CYFIP1: variants seen among roughly 807,000 people sequenced by gnomAD.
The protein encoded by CYFIP1 is cytoplasmic FMR1 interacting protein 1, also known as cytoplasmic FMR1-interacting protein 1.
In CYFIP1, 58 loss-of-function variants were observed where a neutral mutation model predicts 163.5. The ratio of observed to expected loss-of-function variants is 0.35; its 90% CI spans 0.29 to 0.44. The LOEUF (loss-of-function observed/expected upper bound fraction) is 0.44, where lower values mean the gene tolerates loss of function less well. Among genes scored for constraint, CYFIP1 ranks in the 20% least tolerant of loss-of-function variants. The pLI is 1.00. For synonymous variants in CYFIP1, 663 were observed against 660.7 expected, an observed-to-expected ratio of 1.00 and a Z score of -0.05; for missense variants, 1,338 against 1,653.8, an observed-to-expected ratio of 0.81 and a Z score of 3.31.
At chr15:22,903,371 G>A (rs896554872) in intron 22 of CYFIP1, among the ~76,000 whole-genome samples, 5 of 152,110 alleles carry the variant, frequency 3.3e-5, no homozygotes, top group African/African-American at 4.8e-5. Context: ...GTCCATGGGC[G>A]GTGGGTGGGA....
chr15:22,977,344 G>A (rs1407573496), intron 1 of CYFIP1, among the ~76,000 whole-genome samples: 2 of 152,150 alleles, frequency 1.3e-5, no homozygotes, highest in Non-Finnish European at 2.9e-5. Flanking sequence ...AGCAAATAGG[G>A]ACAATTTTCC....
chr15:22,904,084 A>G lies in CYFIP1; in HGVS notation c.2389-179T>C. ...TTGCTTCTTGGCACCCCACCTTTTC[A>G]GTCACCCCCACTGGGTCATGCCTTT... On this transcript the variant is annotated intron_variant, in intron 21 of 30. Transcript: ENST00000617928. 3 of 628,636 alleles carry G rather than the reference A, an allele frequency of 4.8e-6. 1 individual carries two copies. In the South Asian group the frequency reaches 5.7e-5, roughly 12 times the overall value. The allele number at this position is 628,636 out of a possible 1,614,324, so 38.9% of individuals were successfully genotyped here. A position where few individuals can be genotyped will look rare whatever the true frequency, so the allele number is the denominator to read the frequency against.
At chr15:22,872,800 T>C in intron 30 of CYFIP1, 25 bp downstream of exon 30, 1 of 1,611,592 alleles carries the variant, frequency 6.2e-7, no homozygotes, top group East Asian at 2.2e-5. Flanking sequence ...GGTCCATAGA[T>C]GGTGCGAGAT....
intron 18 of CYFIP1, among the ~76,000 whole-genome samples, chr15:22,911,601 G>C (rs2060790755): frequency 6.6e-6 from 1 of 152,168 alleles, no homozygotes; most frequent in East Asian, 1.9e-4. Flanking sequence ...TGGCAAGTGG[G>C]ACCCAGGACC....
At chr15:22,979,720 G>C (rs965779449) in intron 1 of CYFIP1, among the ~76,000 whole-genome samples, 1 of 152,120 alleles carries the variant, frequency 6.6e-6, no homozygotes, top group Admixed American at 6.5e-5. Context: ...CCTCCGTAAC[G>C]ATCGCGCCTC....
At chr15:22,894,514 T>C (rs2141962921) in intron 22 of CYFIP1, among the ~76,000 whole-genome samples, 1 of 151,690 alleles carries the variant, frequency 6.6e-6, no homozygotes, top group East Asian at 1.9e-4. Flanking sequence ...GGTCTTGAAC[T>C]CCTGACTTCA....
intron 1 of CYFIP1, among the ~76,000 whole-genome samples, chr15:22,962,078 A>C (rs567381886): frequency 1.3e-5 from 2 of 152,174 alleles, no homozygotes; most frequent in Non-Finnish European, 2.9e-5. Flanking sequence ...CAGGTGAGAA[A>C]CAGTGTCAAG....
intron 5 of CYFIP1, among the ~76,000 whole-genome samples, chr15:22,944,009 T>C (rs770707056): frequency 6.6e-5 from 10 of 151,960 alleles, no homozygotes; most frequent in Non-Finnish European, 1.3e-4. Flanking sequence ...GAGGCCAAGA[T>C]GGGCAGATCA....
chr15:22,878,813 A>G (rs987347440), intron 26 of CYFIP1, among the ~76,000 whole-genome samples: 1 of 152,134 alleles, frequency 6.6e-6, no homozygotes, highest in Non-Finnish European at 1.5e-5. Flanking sequence ...GCAGCACATA[A>G]AGAGTCTACA....
At chr15:22,965,572 G>A (rs1039391441) in intron 1 of CYFIP1, among the ~76,000 whole-genome samples, 3 of 147,566 alleles carry the variant, frequency 2.0e-5, no homozygotes, top group South Asian at 4.1e-4. Flanking sequence ...ATCTGGGTGT[G>A]TGTAAGTGCC....
At chr15:22,948,584 C>T (rs12909256) in intron 1 of CYFIP1, among the ~76,000 whole-genome samples, 16,131 of 152,184 alleles carry the variant, frequency 0.11, 1,173 homozygotes, top group Non-Finnish European at 0.15. Flanking sequence ...GAACGAGGAA[C>T]GTATGGGCTC....
intron 23 of CYFIP1, among the ~76,000 whole-genome samples, chr15:22,885,360 C>A (rs1456893140): frequency 6.6e-6 from 1 of 152,210 alleles, no homozygotes; most frequent in Non-Finnish European, 1.5e-5. Flanking sequence ...CAGTTCCCAA[C>A]AAGCTCCTCA....
rs1566998554 is a variant in CYFIP1, at chr15:22,937,147, G to A, written c.857C>T (p.Ala286Val). The change falls in exon 9 of 31, where the codon GCC becomes GTC. Residue 286 changes from alanine (A) to valine (V), a missense_variant. By Grantham distance (64) the Ala-to-Val change is moderately conservative. Transcript: ENST00000617928. The part of the protein sequence containing the change: ...GSVSNIYKLD[A>V]KKRINLSKID... The stretch of plus-strand genomic sequence containing the variant: ...TTTGGATAAGTTTATTCTTTTCTTG[G>A]CATCCAACTTATAGATGTTACTGAC... The A allele has an allele frequency of 6.2e-7, 1 of 1,613,274 alleles. No individual in the cohort carries two copies. The highest frequency in any genetic ancestry group is 8.5e-7 in the Non-Finnish European group (1 of 1,179,334).
intron 1 of CYFIP1, among the ~76,000 whole-genome samples, chr15:22,979,435 G>C (rs968169323): frequency 1.4e-5 from 2 of 147,646 alleles, no homozygotes; most frequent in Non-Finnish European, 3.0e-5. Flanking sequence ...GCGCAGCCAC[G>C]GTGCCCTCCG....
At chr15:22,898,752 C>A (rs1424064933) in intron 22 of CYFIP1, among the ~76,000 whole-genome samples, 1 of 151,820 alleles carries the variant, frequency 6.6e-6, no homozygotes, top group Admixed American at 6.6e-5. Flanking sequence ...GCCTGTAATC[C>A]CAGCACTTTG....
intron 1 of CYFIP1, among the ~76,000 whole-genome samples, chr15:22,950,532 C>A (rs752143261): frequency 5.9e-5 from 9 of 152,204 alleles, no homozygotes; most frequent in Admixed American, 2.0e-4. Flanking sequence ...ATAGCCACCC[C>A]CGAATCTCAG....
intron 11 of CYFIP1, among the ~76,000 whole-genome samples, chr15:22,931,559 T>C (rs1172689117): frequency 6.6e-6 from 1 of 151,858 alleles, no homozygotes; most frequent in Non-Finnish European, 1.5e-5. Flanking sequence ...CCTTTCCCAG[T>C]GTCCTCCCTT....
chr15:22,937,650 G>A (rs899243897), intron 8 of CYFIP1, among the ~76,000 whole-genome samples: 9 of 148,936 alleles, frequency 6.0e-5, no homozygotes, highest in Non-Finnish European at 8.9e-5. Flanking sequence ...CCGGGCTGGA[G>A]TGCAGTGGTG....
chr15:22,903,754 A>G lies in CYFIP1; in HGVS notation c.2540T>C (p.Leu847Pro). ...GTAGTTGGGCAGGAAGTCATAGTTG[A>G]GCTCCCAGAAGACGTGCAGGGTGAT... is the stretch of plus-strand genomic sequence containing the variant. ...GRITLHVFWE[L>P]NYDFLPNYCY... The change falls in exon 22 of 31, where the codon CTC (leucine) becomes CCC (proline). Residue 847 changes from leucine (L) to proline (P), a missense_variant. Leu to Pro is a moderately conservative substitution (Grantham distance 98). Coordinates refer to ENST00000617928, the MANE Select transcript of CYFIP1 (RefSeq NM_014608.6). 2 of 1,614,120 alleles carry G rather than the reference A, an allele frequency of 1.2e-6. No individual in the cohort carries two copies. Among genetic ancestry groups the G allele is most frequent in the Non-Finnish European group, 1.7e-6 (2 of 1,180,032 alleles).
Sources: allele counts gnomAD v4.1 joint callset (sites outside exome capture counted in the v4.1 genomes callset), GRCh38; gene constraint gnomAD v4.1.1; transcripts MANE v1.5; gene names NCBI Gene and HGNC (gene_info 2026-07-23, HGNC 2026-07-21).